LRP1B: variants seen among roughly 807,000 people sequenced by gnomAD.
LRP1B encodes the protein low-density lipoprotein receptor-related protein 1B.
A neutral mutation model predicts 556.6 loss-of-function variants in LRP1B; 217 were observed. The observed-to-expected ratio is 0.39, with a 90% CI of 0.35 to 0.44. The LOEUF is 0.44. LRP1B is among the 20% of genes least tolerant of loss of function. LRP1B has a pLI of 1.00. For missense variants in LRP1B, 5,053 were observed against 5,620.8 expected, an observed-to-expected ratio of 0.90 and a Z score of 3.23; for synonymous variants, 2,047 against 1,865.8, an observed-to-expected ratio of 1.10 and a Z score of -2.50.
chr2:140,908,133 A>G (rs1390044526), intron 21 of LRP1B, 56 bp from the exon 22 acceptor site: 1 of 1,354,094 alleles, frequency 7.4e-7, no homozygotes, highest in African/African-American at 1.4e-5. Flanking sequence ...CATTATGATA[A>G]TGAGTGGCCA....
chr2:140,623,400 A>G (rs1683526620), intron 41 of LRP1B, among the ~76,000 whole-genome samples: 1 of 152,190 alleles, frequency 6.6e-6, no homozygotes, highest in African/African-American at 2.4e-5. Flanking sequence ...TAAAAAAGAT[A>G]TAATTTTTTC....
chr2:141,540,253 A>G (rs1685208999), intron 2 of LRP1B, among the ~76,000 whole-genome samples: 1 of 152,026 alleles, frequency 6.6e-6, no homozygotes, highest in Non-Finnish European at 1.5e-5. Context: ...GCCAATGTGA[A>G]AATTTAACAC....
intron 32 of LRP1B, among the ~76,000 whole-genome samples, chr2:140,780,263 C>T (rs1689652026): frequency 6.6e-6 from 1 of 152,002 alleles, no homozygotes; most frequent in Non-Finnish European, 1.5e-5. Flanking sequence ...GTGTTTATTA[C>T]TTCAGAAATA....
intron 41 of LRP1B, among the ~76,000 whole-genome samples, chr2:140,617,407 GATCT>G (rs1683295833): frequency 6.6e-6 from 1 of 151,912 alleles, no homozygotes; most frequent in Non-Finnish European, 1.5e-5. Flanking sequence ...TTATAAAATA[GATCT>G]ATTATGGAAA....
At chr2:140,526,017 G>GA in intron 48 of LRP1B, 24 bp from the exon 49 acceptor site, 1 of 1,608,098 alleles carries the variant, frequency 6.2e-7, no homozygotes, top group African/African-American at 1.3e-5. Flanking sequence ...AACAAAAAAT[G>GA]AAAAAGTACC....
At chr2:141,979,960 TC>T (rs1701997842) in intron 1 of LRP1B, among the ~76,000 whole-genome samples, 1 of 152,166 alleles carries the variant, frequency 6.6e-6, no homozygotes, top group African/African-American at 2.4e-5. Flanking sequence ...CTGTTCTCAC[TC>T]ATTAATATGT....
At chr2:140,559,786 A>G (rs1680865015) in intron 43 of LRP1B, among the ~76,000 whole-genome samples, 1 of 151,620 alleles carries the variant, frequency 6.6e-6, no homozygotes, top group South Asian at 2.1e-4. Context: ...GTTAACAAAT[A>G]AACAAGGGAA....
intron 41 of LRP1B, among the ~76,000 whole-genome samples, chr2:140,652,666 A>G (rs553137356): frequency 1.8e-4 from 28 of 152,076 alleles, no homozygotes; most frequent in Non-Finnish European, 3.4e-4. Flanking sequence ...ATTTAGAATC[A>G]TGAAAGTTTC....
At chr2:141,157,808 T>C (rs1348495677) in intron 7 of LRP1B, among the ~76,000 whole-genome samples, 1 of 152,164 alleles carries the variant, frequency 6.6e-6, no homozygotes, top group Non-Finnish European at 1.5e-5. Flanking sequence ...AACTTAAGAA[T>C]GAGTTAACAA....
chr2:140,994,187 C>T lies in LRP1B; in HGVS notation c.2504-52G>A, dbSNP rs556426242. 3.3e-6 allele frequency: 5 copies of T among 1,509,258 alleles called. No homozygotes were observed. In the Admixed American group the frequency reaches 7.6e-5, roughly 23 times the overall value. The allele number at this position is 1,509,258 out of a possible 1,614,324, so 93.5% of individuals were successfully genotyped here. A position where few individuals can be genotyped will look rare whatever the true frequency, so the allele number is the denominator to read the frequency against. On this transcript the variant is annotated intron_variant, in intron 15 of 90. Transcript: ENST00000389484. Reference sequence around the variant, plus strand: ...TGAATAATGCTAGCTACAGTCAGTCCATTAAAATTTAAATCTTGTAGAGTT... The same window carrying T: ...TGAATAATGCTAGCTACAGTCAGTCTATTAAAATTTAAATCTTGTAGAGTT...
intron 7 of LRP1B, among the ~76,000 whole-genome samples, chr2:141,137,051 A>T (rs1701509283): frequency 6.6e-6 from 1 of 151,906 alleles, no homozygotes. Context: ...AAAGTCTATT[A>T]TGAATATCAC....
intron 1 of LRP1B, among the ~76,000 whole-genome samples, chr2:141,978,114 T>A (rs930459812): frequency 1.3e-5 from 2 of 152,150 alleles, no homozygotes; most frequent in African/African-American, 4.8e-5. Flanking sequence ...CAGTTGATTA[T>A]TTTCAGTATT....
At chr2:141,818,743 A>G (rs1482790651) in intron 1 of LRP1B, among the ~76,000 whole-genome samples, 2 of 150,330 alleles carry the variant, frequency 1.3e-5, no homozygotes, top group East Asian at 2.1e-4. Flanking sequence ...TCACCGTGTT[A>G]GCCAGGATGG....
intron 1 of LRP1B, among the ~76,000 whole-genome samples, chr2:142,060,345 T>A (rs1704859889): frequency 6.6e-6 from 1 of 152,024 alleles, no homozygotes; most frequent in Admixed American, 6.6e-5. Context: ...TAGGGTTGTG[T>A]TGCCTCTGAA....
chr2:140,474,757 C>A (rs2105347024), intron 60 of LRP1B, among the ~76,000 whole-genome samples: 1 of 151,942 alleles, frequency 6.6e-6, no homozygotes, highest in African/African-American at 2.4e-5. Flanking sequence ...TAAAACTATA[C>A]TTTTACTCAG....
chr2:141,952,166 C>A lies in LRP1B; in HGVS notation c.83-141765G>T, dbSNP rs1462252086. The stretch of plus-strand genomic sequence containing the variant: ...GTTTCCAGCTTCATCCATGTCCCTA[C>A]AAAGGACATGAATTCATCCTTTTTT... On this transcript the variant is annotated intron_variant, in intron 1 of 90. Coordinates refer to ENST00000389484, the MANE Select transcript of LRP1B (RefSeq NM_018557.3). 2.1e-5 allele frequency among the ~76,000 whole-genome samples: 3 copies of A among 143,100 alleles called. No homozygotes were observed. In the East Asian group the frequency reaches 6.6e-4, roughly 31 times the overall value. 93.9% of individuals were successfully genotyped at this position (143,100 alleles called of 152,430 possible).
rs190984343 is a variant in LRP1B, at chr2:141,589,451, C to T, written c.206-108918G>A. Among the ~76,000 whole-genome samples the T allele has an allele frequency of 5.7e-3, 864 of 152,184 alleles. 10 individuals are homozygous for T. The highest frequency in any genetic ancestry group is 0.019 in the African/African-American group (809 of 41,520). Reference sequence around the variant, plus strand: ...CTTGTGATTTTTGAGTTCCTTTGTACGCTTTTTATAGATTTTCTTCGACTT... The same window carrying T: ...CTTGTGATTTTTGAGTTCCTTTGTATGCTTTTTATAGATTTTCTTCGACTT... On this transcript the variant is annotated intron_variant, in intron 2 of 90. Transcript: ENST00000389484.
At chr2:141,330,217 ATCAAATATG>A (rs1687590943) in intron 3 of LRP1B, among the ~76,000 whole-genome samples, 1 of 152,224 alleles carries the variant, frequency 6.6e-6, no homozygotes, top group Admixed American at 6.5e-5. Context: ...ATGTAATCAA[ATCAAATATG>A]TCAACAGAAC....
chr2:141,937,398 A>C (rs1299864089), intron 1 of LRP1B, among the ~76,000 whole-genome samples: 11 of 151,336 alleles, frequency 7.3e-5, no homozygotes, highest in Admixed American at 7.2e-4. Context: ...AAATAATAAT[A>C]ATAATAAAAT....
Sources: allele counts gnomAD v4.1 joint callset (sites outside exome capture counted in the v4.1 genomes callset), GRCh38; gene constraint gnomAD v4.1.1; transcripts MANE v1.5; gene names NCBI Gene and HGNC (gene_info 2026-07-23, HGNC 2026-07-21).